SLC6A16: variants seen among roughly 807,000 people sequenced by gnomAD.
SLC6A16 encodes the protein solute carrier family 6 member 16, also known as orphan sodium- and chloride-dependent neurotransmitter transporter NTT5.
SLC6A16 carries 54 observed loss-of-function variants against 65.4 expected under a neutral mutation model. The ratio of observed to expected loss-of-function variants is 0.83; its 90% CI spans 0.66 to 1.04. The LOEUF (loss-of-function observed/expected upper bound fraction) is 1.04. SLC6A16 is among the 50% of genes least tolerant of loss of function. The pLI is 0.00. For missense variants in SLC6A16, 816 were observed against 914.0 expected, an observed-to-expected ratio of 0.89 and a Z score of 1.38; for synonymous variants, 330 against 346.5, an observed-to-expected ratio of 0.95 and a Z score of 0.53.
intron 1 of SLC6A16, among the ~76,000 whole-genome samples, chr19:49,323,799 T>G (rs1217852096): frequency 6.6e-6 from 1 of 152,202 alleles, no homozygotes; most frequent in Non-Finnish European, 1.5e-5. Context: ...GAAAACACTA[T>G]GGTGGTTCCT....
chr19:49,325,746 T>C (rs1187211421), upstream of SLC6A16, among the ~76,000 whole-genome samples: 1 of 152,158 alleles, frequency 6.6e-6, no homozygotes, highest in Non-Finnish European at 1.5e-5. Context: ...TTTATATGGG[T>C]TGTATGTTTA....
chr19:49,330,946 CA>C, the SLC6A16 span, among the ~76,000 whole-genome samples: 12,881 of 140,632 alleles, frequency 0.092, 1,745 homozygotes, highest in African/African-American at 0.3. Context: ...AAAAAAAACA[CA>C]AAAAAAAAAA....
chr19:49,339,322 C>T, the SLC6A16 span: 8 of 1,610,070 alleles, frequency 5.0e-6, no homozygotes, highest in Non-Finnish European at 6.8e-6. The surrounding 1 kb of genome is among the most constrained non-coding windows in gnomAD (Gnocchi z 4.5). Context: ...TTTCCCTACA[C>T]CCCCCAGGGC....
upstream of SLC6A16, among the ~76,000 whole-genome samples, chr19:49,325,511 T>A (rs1460100233): frequency 6.6e-6 from 1 of 152,256 alleles, no homozygotes; most frequent in Admixed American, 6.5e-5. Flanking sequence ...CATTCATTCC[T>A]TCTAGCCTTC....
At chr19:49,317,145 G>C (rs538377789) in intron 1 of SLC6A16, among the ~76,000 whole-genome samples, 1 of 151,722 alleles carries the variant, frequency 6.6e-6, no homozygotes, top group South Asian at 2.1e-4. Context: ...TTTAAGACAA[G>C]CCTGGCCAAT....
rs190476286 is a variant in SLC6A16, at chr19:49,317,918, C to T, written c.-64-6507G>A. On this transcript the variant is annotated intron_variant, in intron 1 of 11. Coordinates refer to ENST00000335875, the MANE Select transcript of SLC6A16 (RefSeq NM_014037.3). ...CCAGAAAACAAGGTAACTAATTGCA[C>T]GATTGCCCCATTTTTCTGCTAATTT... Among the ~76,000 whole-genome samples, 45 of 152,258 alleles carry T rather than the reference C, an allele frequency of 3.0e-4. 2 individuals carry two copies. The East Asian group carries it at 3.9e-3, about 13-fold the overall frequency.
chr19:49,291,396 A>G (rs534647005), intron 10 of SLC6A16, among the ~76,000 whole-genome samples: 1 of 151,612 alleles, frequency 6.6e-6, no homozygotes, highest in East Asian at 2.0e-4. Flanking sequence ...GGGTACTGGG[A>G]TTTTCTGCTT....
intron 1 of SLC6A16, among the ~76,000 whole-genome samples, chr19:49,321,504 G>C (rs969120760): frequency 4.6e-5 from 7 of 152,104 alleles, no homozygotes; most frequent in African/African-American, 1.7e-4. Flanking sequence ...GGGAGGCCAA[G>C]GCGGGTGGAT....
At chr19:49,339,310 C>G in the SLC6A16 span, 1 of 1,609,830 alleles carries the variant, frequency 6.2e-7, no homozygotes. This position sits in a 1 kb window ranked among gnomAD's most constrained non-coding sequence, Gnocchi z 4.5. Context: ...ATCCCTTTAA[C>G]TTTTCCCTAC....
intron 7 of SLC6A16, among the ~76,000 whole-genome samples, chr19:49,301,527 C>T (rs755629464): frequency 4.6e-5 from 7 of 152,224 alleles, no homozygotes; most frequent in Non-Finnish European, 1.0e-4. Context: ...CACTGTGCAG[C>T]TCCCCACAGT....
rs556379576 is a variant in SLC6A16 at position 49,310,274 on chromosome 19, C to G, written c.573+79G>C. ...AAGGGATCTGACCCATGGAGGTATT[C>G]ACAGGGCGCATTTCAGGAGGAGGGT... On this transcript the variant is annotated intron_variant, in intron 3 of 11. Transcript: ENST00000335875. 3.7e-6 allele frequency: 6 copies of G among 1,602,730 alleles called. No homozygotes were observed. In the Admixed American group the frequency reaches 1.0e-4, roughly 27 times the overall value.
At chr19:49,336,085 T>C in the SLC6A16 span, 2 of 465,554 alleles carry the variant, frequency 4.3e-6, no homozygotes, top group Non-Finnish European at 3.9e-6. Flanking sequence ...GGGAAGCCCC[T>C]TGATGGATGT....
intron 7 of SLC6A16, among the ~76,000 whole-genome samples, chr19:49,308,465 T>C (rs1264937331): frequency 6.6e-6 from 1 of 151,854 alleles, no homozygotes; most frequent in Non-Finnish European, 1.5e-5. Flanking sequence ...AAAATAAAAA[T>C]AAAATAAAAT....
At chr19:49,337,869 GA>G in the SLC6A16 span, 3 of 1,608,768 alleles carry the variant, frequency 1.9e-6, no homozygotes, top group Non-Finnish European at 2.5e-6. Flanking sequence ...CACAGCCTGA[GA>G]GGGGGAGGGG....
At chr19:49,310,719 C>G (rs936952611) in intron 2 of SLC6A16, among the ~76,000 whole-genome samples, 1 of 152,206 alleles carries the variant, frequency 6.6e-6, no homozygotes, top group Non-Finnish European at 1.5e-5. Context: ...GTTTCCAGCC[C>G]ATCTTGGGCC....
chr19:49,334,321 CA>C, the SLC6A16 span, among the ~76,000 whole-genome samples: 1 of 151,506 alleles, frequency 6.6e-6, no homozygotes, highest in Admixed American at 6.6e-5. Flanking sequence ...CCCATCTCTA[CA>C]AAAAATGAAG....
intron 1 of SLC6A16, among the ~76,000 whole-genome samples, chr19:49,321,208 A>C (rs1486551705): frequency 6.6e-6 from 1 of 152,166 alleles, no homozygotes; most frequent in African/African-American, 2.4e-5. Flanking sequence ...ATGGTTCTGC[A>C]TACAAAAATC....
At chr19:49,314,044 T>C (rs994694260) in intron 1 of SLC6A16, among the ~76,000 whole-genome samples, 2 of 151,150 alleles carry the variant, frequency 1.3e-5, no homozygotes, top group African/African-American at 4.9e-5. Context: ...TGCAGTGAGC[T>C]GAGATCACGC....
chr19:49,309,744 G>A lies in SLC6A16; in HGVS notation c.783C>T (p.Gly261=), dbSNP rs1004952806. The A allele has an allele frequency of 5.6e-6, 9 of 1,614,024 alleles. No homozygotes were observed. The highest frequency in any genetic ancestry group is 1.7e-5 in the Admixed American group (1 of 60,010). Residue 261 remains glycine (G), a synonymous_variant, in exon 5 of 12, where the codon GGC becomes GGT. Transcript: ENST00000335875. ...ALKASDRIED[G]GSPVYSLVLP... is the part of the protein sequence containing the mutation. ...GGACCAGACTGTAGACTGGTGACCCGCCATCCTCGATTCTGTCTGAGGCCT... is the reference window on the plus strand; with the variant it reads ...GGACCAGACTGTAGACTGGTGACCCACCATCCTCGATTCTGTCTGAGGCCT...
Sources: allele counts gnomAD v4.1 joint callset (sites outside exome capture counted in the v4.1 genomes callset), GRCh38; gene constraint gnomAD v4.1.1; non-coding constraint Gnocchi (gnomAD v3.1); transcripts MANE v1.5; gene names NCBI Gene and HGNC (gene_info 2026-07-23, HGNC 2026-07-21).